Variants in TMEM200A observed in about 807,000 individuals in gnomAD.
The protein encoded by TMEM200A is transmembrane protein 200A.
In TMEM200A, 12 loss-of-function variants were observed where a neutral mutation model predicts 24.3. That is an observed-to-expected ratio of 0.49 (90% CI 0.32 to 0.80). TMEM200A has a LOEUF of 0.80. TMEM200A is among the 30% of genes least tolerant of loss of function. The pLI is 0.04. For synonymous variants in TMEM200A, 224 were observed against 224.4 expected, an observed-to-expected ratio of 1.00 and a Z score of 0.02; for missense variants, 545 against 614.4, an observed-to-expected ratio of 0.89 and a Z score of 1.19.
At chr6:130,383,286 C>T (rs2115093614) in intron 1 of TMEM200A, among the ~76,000 whole-genome samples, 1 of 152,264 alleles carries the variant, frequency 6.6e-6, no homozygotes, top group South Asian at 2.1e-4. Context: ...TCAGCAATGC[C>T]ATCCTGAAAA....
At chr6:130,395,630 A>C (rs965905795) in intron 2 of TMEM200A, among the ~76,000 whole-genome samples, 2 of 152,234 alleles carry the variant, frequency 1.3e-5, no homozygotes, top group African/African-American at 4.8e-5. Context: ...TAAACAAATA[A>C]ATTGTTAAAG....
intron 2 of TMEM200A, among the ~76,000 whole-genome samples, chr6:130,407,036 T>C (rs924396469): frequency 1.3e-5 from 2 of 152,186 alleles, no homozygotes; most frequent in Non-Finnish European, 2.9e-5. Flanking sequence ...TTGTACCTGA[T>C]TTTAGTGTAG....
Position 130,441,803 on chromosome 6 carries a change from C to A in TMEM200A, c.1381C>A (p.Leu461Ile). 1 of 1,614,012 alleles carries A rather than the reference C, an allele frequency of 6.2e-7. No individual in the cohort carries two copies. The highest frequency in any genetic ancestry group is 8.5e-7 in the Non-Finnish European group (1 of 1,179,960). Reference protein sequence around the residue: ...KKDFTNKEKLLMISRSHNNLS... With the variant: ...KKDFTNKEKLIMISRSHNNLS... ...GGACTTTACCAATAAGGAGAAGCTT[C>A]TTATGATTTCAAGATCTCACAATAA... The change falls in exon 3 of 3, where the codon CTT becomes ATT. Residue 461 changes from leucine (L) to isoleucine (I), a missense_variant. Physicochemically the swap from Leu to Ile is conservative, Grantham distance 5 (BLOSUM62 2). Transcript: ENST00000296978.
rs1380654682 is a variant in TMEM200A at position 130,366,756 on chromosome 6, A to G, written c.-81+232A>G. 6.6e-6 allele frequency among the ~76,000 whole-genome samples: 1 copy of G among 152,020 alleles called. No individual in the cohort carries two copies. The highest frequency in any genetic ancestry group is 1.9e-4 in the East Asian group (1 of 5,184). On this transcript the variant is annotated intron_variant, in intron 1 of 2. Coordinates refer to ENST00000296978, the MANE Select transcript of TMEM200A (RefSeq NM_001258277.2). The surrounding 1 kb of genome is among the most constrained non-coding windows in gnomAD (Gnocchi z 4.4). ...AAGCCGTGCGGGGCAGCCTCCAAGA[A>G]CCCGGAGTACTGGAGCGCCTGGCTG...
chr6:130,441,743 G>A lies in TMEM200A; in HGVS notation c.1321G>A (p.Asp441Asn), dbSNP rs747591360. The change falls in exon 3 of 3, where the codon GAT (aspartate) becomes AAT (asparagine). Residue 441 changes from aspartate to asparagine, a missense_variant. Physicochemically the swap from Asp to Asn is conservative, Grantham distance 23 (BLOSUM62 1). Coordinates refer to ENST00000296978, the MANE Select transcript of TMEM200A (RefSeq NM_001258277.2). Reference sequence around the variant, plus strand: ...ACTAGAGAACAAAGAAGACCCGATGGATAGGTTGCTTGTGCCCCAAGTTGC... The same window carrying A: ...ACTAGAGAACAAAGAAGACCCGATGAATAGGTTGCTTGTGCCCCAAGTTGC... ...MKLENKEDPM[D>N]RLLVPQVAIK... The A allele has an allele frequency of 6.2e-7, 1 of 1,614,064 alleles. No homozygotes were observed. The highest frequency in any genetic ancestry group is 8.5e-7 in the Non-Finnish European group (1 of 1,179,984).
chr6:130,429,604 G>T (rs139339902), intron 2 of TMEM200A, among the ~76,000 whole-genome samples: 5 of 152,198 alleles, frequency 3.3e-5, no homozygotes, highest in African/African-American at 9.6e-5. Flanking sequence ...TACACAAAAA[G>T]AAATCCCAGA....
intron 1 of TMEM200A, among the ~76,000 whole-genome samples, chr6:130,374,984 A>G (rs974727160): frequency 2.6e-5 from 4 of 152,212 alleles, no homozygotes; most frequent in African/African-American, 9.6e-5. Context: ...TTAAACTTAC[A>G]GTAGCAGTCA....
At chr6:130,420,441 A>T (rs982521984) in intron 2 of TMEM200A, among the ~76,000 whole-genome samples, 5 of 152,140 alleles carry the variant, frequency 3.3e-5, no homozygotes, top group African/African-American at 1.2e-4. Context: ...GGCAAGGGGA[A>T]GGGATCATGT....
At position 130,440,600 on chromosome 6, in the gene TMEM200A, C is replaced by G. The variant is rs1311861521; in HGVS notation, c.178C>G (p.Pro60Ala). 2 of 1,614,036 alleles carry G rather than the reference C, an allele frequency of 1.2e-6. No individual in the cohort carries two copies. Among genetic ancestry groups the G allele is most frequent in the Non-Finnish European group, 1.7e-6 (2 of 1,179,974 alleles). ...TCGTGGCAAAATCCGGCTTTATTCC[C>G]CATCTGGTTTTTTTCTTATTTTAGG... ...VVRGKIRLYS[P>A]SGFFLILGVL... Residue 60 changes from proline (P) to alanine (A), a missense_variant, in exon 3 of 3, where the codon CCA (proline) becomes GCA (alanine). By Grantham distance (27) the Pro-to-Ala change is conservative. Coordinates refer to ENST00000296978, the MANE Select transcript of TMEM200A (RefSeq NM_001258277.2).
intron 2 of TMEM200A, among the ~76,000 whole-genome samples, chr6:130,435,732 T>G (rs185388102): frequency 4.3e-4 from 65 of 152,300 alleles, no homozygotes; most frequent in Admixed American, 9.8e-4. Flanking sequence ...GAAATTTTGT[T>G]CCCAAGTTAA....
chr6:130,388,895 A>G lies in TMEM200A; in HGVS notation c.-17+3659A>G, dbSNP rs1778772424. On this transcript the variant is annotated intron_variant, in intron 2 of 2. Coordinates refer to ENST00000296978, the MANE Select transcript of TMEM200A (RefSeq NM_001258277.2). ...ATCAGCAAGTAGCAATAATTTTAAC[A>G]CTAATTAGTATATTTAAGAGAAATT... Among the ~76,000 whole-genome samples, 6 of 152,326 alleles carry G rather than the reference A, an allele frequency of 3.9e-5. No homozygotes were observed. In the South Asian group the frequency reaches 1.2e-3, roughly 32 times the overall value.
intron 2 of TMEM200A, among the ~76,000 whole-genome samples, chr6:130,422,684 C>G (rs1034476208): frequency 3.9e-5 from 6 of 152,044 alleles, no homozygotes; most frequent in African/African-American, 1.4e-4. Context: ...TTGATTGTTA[C>G]GGACTGCAAA....
At chr6:130,411,028 G>A (rs762253419) in intron 2 of TMEM200A, among the ~76,000 whole-genome samples, 3 of 152,150 alleles carry the variant, frequency 2.0e-5, no homozygotes, top group Non-Finnish European at 4.4e-5. Flanking sequence ...AATTAGCCAG[G>A]CATGGTGATG....
chr6:130,404,949 T>C (rs1301092722), intron 2 of TMEM200A, among the ~76,000 whole-genome samples: 1 of 152,160 alleles, frequency 6.6e-6, no homozygotes, highest in Non-Finnish European at 1.5e-5. Flanking sequence ...GTCAGGTTTG[T>C]CAAAGATCAA....
intron 2 of TMEM200A, among the ~76,000 whole-genome samples, chr6:130,433,858 C>G (rs1168490439): frequency 6.6e-6 from 1 of 152,258 alleles, no homozygotes; most frequent in Non-Finnish European, 1.5e-5. Context: ...GGCAGGGACC[C>G]TTATGCAATA....
chr6:130,431,668 T>C (rs1026285716), intron 2 of TMEM200A, among the ~76,000 whole-genome samples: 3 of 152,142 alleles, frequency 2.0e-5, no homozygotes, highest in African/African-American at 7.2e-5. Context: ...ATCTGTTACT[T>C]GGCCTCCTGG....
At chr6:130,394,624 A>G (rs927731232) in intron 2 of TMEM200A, among the ~76,000 whole-genome samples, 4 of 152,222 alleles carry the variant, frequency 2.6e-5, no homozygotes, top group African/African-American at 9.6e-5. Context: ...TGGCTGACAG[A>G]ACCCTTGCTA....
In TMEM200A at chr6:130,366,616, C is replaced by G. The variant is rs1778157028; in HGVS notation, c.-81+92C>G. 1 of 957,742 alleles carries G rather than the reference C, an allele frequency of 1.0e-6. No homozygotes were observed. The highest frequency in any genetic ancestry group is 1.8e-5 in the African/African-American group (1 of 56,692). 59.3% of individuals were successfully genotyped at this position (957,742 alleles called of 1,614,324 possible). On this transcript the variant is annotated intron_variant, in intron 1 of 2. Transcript: ENST00000296978. The surrounding 1 kb of genome is among the most constrained non-coding windows in gnomAD (Gnocchi z 4.4). The stretch of plus-strand genomic sequence containing the variant: ...GGGCACTTCTTCAGCCCTCTGCCCT[C>G]CCCTCCCCTCCGCTACAGCCTCCAG...
At chr6:130,415,638 C>T (rs546665068) in intron 2 of TMEM200A, among the ~76,000 whole-genome samples, 19 of 152,270 alleles carry the variant, frequency 1.2e-4, no homozygotes, top group African/African-American at 4.6e-4. Flanking sequence ...CCACCCCTCC[C>T]ATGCTCACGA....
Sources: allele counts gnomAD v4.1 joint callset (sites outside exome capture counted in the v4.1 genomes callset), GRCh38; gene constraint gnomAD v4.1.1; non-coding constraint Gnocchi (gnomAD v3.1); transcripts MANE v1.5; gene names NCBI Gene and HGNC (gene_info 2026-07-23, HGNC 2026-07-21).